Variants in MGMT observed in about 807,000 individuals in gnomAD.
MGMT encodes the protein O-6-methylguanine-DNA methyltransferase, also known as methylated-DNA--protein-cysteine methyltransferase.
Under a neutral mutation model 15.9 loss-of-function variants are expected in MGMT, and 14 were observed. The ratio of observed to expected loss-of-function variants is 0.88; its 90% CI spans 0.58 to 1.37. The LOEUF is 1.37. Ranked by LOEUF, MGMT falls within the 40% of genes most tolerant of loss-of-function variation. The pLI, the probability that MGMT is intolerant of heterozygous loss-of-function variation, is 0.00. For missense variants in MGMT, 282 were observed against 268.1 expected (o/e 1.05, Z -0.36); for synonymous variants, 130 against 118.2 (o/e 1.10, Z -0.65).
intron 2 of MGMT, among the ~76,000 whole-genome samples, chr10:129,640,155 A>ATCCC (rs1412756964): frequency 1.3e-5 from 2 of 149,820 alleles, no homozygotes; most frequent in Non-Finnish European, 3.0e-5. Context: ...TGGAGTTCAG[A>ATCCC]GGCACGATCT....
intron 2 of MGMT, among the ~76,000 whole-genome samples, chr10:129,602,949 A>G (rs1846842003): frequency 6.6e-6 from 1 of 152,226 alleles, no homozygotes; most frequent in Admixed American, 6.5e-5. Flanking sequence ...GTTCCACACA[A>G]AGCAAACAAA....
intron 3 of MGMT, among the ~76,000 whole-genome samples, chr10:129,739,441 G>T (rs533088494): frequency 1.3e-5 from 2 of 151,982 alleles, no homozygotes; most frequent in African/African-American, 4.8e-5. Flanking sequence ...TTTTATTTTC[G>T]AAAAAATTAC....
At chr10:129,495,459 A>G (rs975387087) in intron 1 of MGMT, among the ~76,000 whole-genome samples, 3 of 152,188 alleles carry the variant, frequency 2.0e-5, no homozygotes, top group African/African-American at 7.2e-5. Context: ...ACGGATCAGA[A>G]GCTTTTATAG....
chr10:129,644,042 T>C (rs1323681074), intron 2 of MGMT, among the ~76,000 whole-genome samples: 1 of 152,202 alleles, frequency 6.6e-6, no homozygotes, highest in Non-Finnish European at 1.5e-5. Flanking sequence ...GCCCAGCCTC[T>C]CTACAGAGAG....
intron 3 of MGMT, among the ~76,000 whole-genome samples, chr10:129,743,610 C>G (rs1225625107): frequency 6.6e-6 from 1 of 152,342 alleles, no homozygotes; most frequent in Non-Finnish European, 1.5e-5. Flanking sequence ...GCATTTAATT[C>G]ACGTAGTGTG....
Position 129,759,193 on chromosome 10 carries a change from T to C in MGMT, c.275-9T>C. Reference sequence around the variant, plus strand: ...TCCAAATAACATTATCCTGCATTCTTCCTTTCAGAGTCGTTCACCAGACAG... The same window carrying C: ...TCCAAATAACATTATCCTGCATTCTCCCTTTCAGAGTCGTTCACCAGACAG... On this transcript the variant is annotated splice_polypyrimidine_tract_variant and intron_variant, in intron 3 of 4. Transcript: ENST00000651593. The C allele has an allele frequency of 6.2e-7, 1 of 1,614,210 alleles. No individual in the cohort carries two copies. The highest frequency in any genetic ancestry group is 1.6e-4 in the Middle Eastern group (1 of 6,062).
At chr10:129,671,209 C>T (rs928842910) in intron 2 of MGMT, among the ~76,000 whole-genome samples, 2 of 152,160 alleles carry the variant, frequency 1.3e-5, no homozygotes, top group African/African-American at 4.8e-5. Flanking sequence ...AAAACTGATT[C>T]CTTCCAATTA....
chr10:129,589,830 C>T (rs552240615), intron 2 of MGMT, among the ~76,000 whole-genome samples: 6 of 152,330 alleles, frequency 3.9e-5, no homozygotes, highest in Non-Finnish European at 7.3e-5. Context: ...AGCTGGGAGC[C>T]GCGTGAAAAT....
chr10:129,590,620 G>A (rs1465144642), intron 2 of MGMT, among the ~76,000 whole-genome samples: 3 of 152,190 alleles, frequency 2.0e-5, no homozygotes, highest in South Asian at 2.1e-4. Flanking sequence ...ACTTTGAAAA[G>A]TATGTCATTT....
chr10:129,517,827 C>T (rs1014273718), intron 1 of MGMT, among the ~76,000 whole-genome samples: 3 of 152,302 alleles, frequency 2.0e-5, no homozygotes, highest in South Asian at 2.1e-4. Flanking sequence ...GTAACTGCGA[C>T]GCCGCAGCCC....
chr10:129,665,258 GC>G (rs2133108432), intron 2 of MGMT, among the ~76,000 whole-genome samples: 1 of 95,154 alleles, frequency 1.1e-5, no homozygotes, highest in South Asian at 4.7e-4. Flanking sequence ...CCCCACACCC[GC>G]TCACCCACCC....
chr10:129,765,085 C>T (rs1848918082), intron 4 of MGMT, among the ~76,000 whole-genome samples: 1 of 152,104 alleles, frequency 6.6e-6, no homozygotes, highest in South Asian at 2.1e-4. Context: ...GGCAGTTTAC[C>T]TTCTTCACGG....
At chr10:129,758,883 C>T (rs187665733) in intron 3 of MGMT, among the ~76,000 whole-genome samples, 1 of 152,214 alleles carries the variant, frequency 6.6e-6, no homozygotes, top group Non-Finnish European at 1.5e-5. Context: ...GCCATGAGCT[C>T]ACTTACACAC....
In MGMT at chr10:129,735,333, C is replaced by G. The variant is rs559515612; in HGVS notation, c.275-23869C>G. The stretch of plus-strand genomic sequence containing the variant: ...AATTTATCCATTTCTTCTAGATTTT[C>G]TAGTTTATTTGTGTAGAGGTGTTTG... On this transcript the variant is annotated intron_variant, in intron 3 of 4. Transcript: ENST00000651593. Among the ~76,000 whole-genome samples, 19 of 152,170 alleles carry G rather than the reference C, an allele frequency of 1.2e-4. No homozygotes were observed. The East Asian group carries it at 3.5e-3, about 28-fold the overall frequency.
At chr10:129,618,687 C>CT (rs1452723489) in intron 2 of MGMT, among the ~76,000 whole-genome samples, 1 of 78,840 alleles carries the variant, frequency 1.3e-5, no homozygotes, top group African/African-American at 3.3e-5. Context: ...TTTTGGTATA[C>CT]AAATCTTTTA....
chr10:129,740,434 T>A (rs1848618071), intron 3 of MGMT, among the ~76,000 whole-genome samples: 1 of 152,110 alleles, frequency 6.6e-6, no homozygotes, highest in African/African-American at 2.4e-5. Context: ...CCAACTACCA[T>A]GTAGTTAAGA....
intron 2 of MGMT, among the ~76,000 whole-genome samples, chr10:129,699,409 T>C (rs986592222): frequency 5.3e-5 from 8 of 152,176 alleles, no homozygotes; most frequent in African/African-American, 1.9e-4. Flanking sequence ...GTTTAGGATC[T>C]GACATTAATT....
intron 3 of MGMT, among the ~76,000 whole-genome samples, chr10:129,736,405 A>G (rs1285318674): frequency 6.7e-6 from 1 of 149,576 alleles, no homozygotes; most frequent in South Asian, 2.1e-4. Context: ...TTTGTTTTCC[A>G]TTTGCTTGGT....
At chr10:129,592,234 A>G (rs1484897465) in intron 2 of MGMT, among the ~76,000 whole-genome samples, 4 of 152,228 alleles carry the variant, frequency 2.6e-5, no homozygotes. Flanking sequence ...TTCAAGGAAA[A>G]TAGCTGACAG....
Sources: allele counts gnomAD v4.1 joint callset (sites outside exome capture counted in the v4.1 genomes callset), GRCh38; gene constraint gnomAD v4.1.1; transcripts MANE v1.5; gene names NCBI Gene and HGNC (gene_info 2026-07-23, HGNC 2026-07-21).